Variants in PALMD observed in about 807,000 individuals in gnomAD.
The protein encoded by PALMD is palmdelphin, also known as paralemmin-like protein.
PALMD carries 42 observed loss-of-function variants against 56.2 expected under a neutral mutation model. The ratio of observed to expected loss-of-function variants is 0.75; its 90% CI spans 0.58 to 0.97. The LOEUF (loss-of-function observed/expected upper bound fraction) is 0.97. PALMD is among the 50% of genes least tolerant of loss of function. The pLI, the probability that PALMD is intolerant of heterozygous loss-of-function variation, is 0.00. For synonymous variants in PALMD, 242 were observed against 222.9 expected, an observed-to-expected ratio of 1.09 and a Z score of -0.76; for missense variants, 660 against 643.8, an observed-to-expected ratio of 1.03 and a Z score of -0.27.
intron 1 of PALMD, among the ~76,000 whole-genome samples, chr1:99,658,974 A>G (rs1296189507): frequency 1.3e-5 from 2 of 151,984 alleles, no homozygotes; most frequent in Non-Finnish European, 2.9e-5. Context: ...GTAAACTCAC[A>G]TCTGTCAAAT....
At chr1:99,659,273 T>C (rs948711975) in intron 1 of PALMD, among the ~76,000 whole-genome samples, 5 of 152,206 alleles carry the variant, frequency 3.3e-5, no homozygotes, top group Admixed American at 1.3e-4. Context: ...GGCGAATAAA[T>C]TAATTTTCAA....
At chr1:99,658,659 T>C (rs943134244) in intron 1 of PALMD, among the ~76,000 whole-genome samples, 1 of 151,658 alleles carries the variant, frequency 6.6e-6, no homozygotes, top group African/African-American at 2.4e-5. Context: ...TAGTCCCAGC[T>C]ACTTGGGAGG....
intron 1 of PALMD, among the ~76,000 whole-genome samples, chr1:99,646,760 T>C (rs1232991062): frequency 6.6e-6 from 1 of 152,224 alleles, no homozygotes; most frequent in Non-Finnish European, 1.5e-5. Flanking sequence ...CTCAAAAAGT[T>C]AGAATTTTTT....
In PALMD at chr1:99,667,786, A is replaced by G. The variant is rs775377690; in HGVS notation, c.251+20A>G. 1.2e-6 allele frequency: 2 copies of G among 1,605,744 alleles called. No homozygotes were observed. The highest frequency in any genetic ancestry group is 1.7e-6 in the Non-Finnish European group (2 of 1,173,232). On this transcript the variant is annotated intron_variant, in intron 3 of 7. Transcript: ENST00000263174. ...CCTCAGGTATGGCCCTCACTGAGAT[A>G]CTCCACAACTACCTTTATTTTGACT... is the stretch of plus-strand genomic sequence containing the variant.
intron 2 of PALMD, among the ~76,000 whole-genome samples, chr1:99,665,459 T>A (rs1652940805): frequency 6.6e-6 from 1 of 152,192 alleles, no homozygotes; most frequent in South Asian, 2.1e-4. Context: ...GCATATTTTA[T>A]ATTTAAGTTC....
chr1:99,674,861 A>C (rs1439208360), intron 3 of PALMD, among the ~76,000 whole-genome samples: 2 of 152,222 alleles, frequency 1.3e-5, no homozygotes, highest in East Asian at 3.9e-4. Context: ...TAAAGGATGA[A>C]TGTTCAAGAG....
chr1:99,675,363 G>T (rs573690971), intron 3 of PALMD, among the ~76,000 whole-genome samples: 1 of 152,166 alleles, frequency 6.6e-6, no homozygotes, highest in Non-Finnish European at 1.5e-5. Context: ...TTTATTCATA[G>T]AAATGTTTTT....
chr1:99,652,580 G>T (rs1335011314), intron 1 of PALMD, among the ~76,000 whole-genome samples: 1 of 151,082 alleles, frequency 6.6e-6, no homozygotes, highest in African/African-American at 2.4e-5. Flanking sequence ...CTCCAGCCTG[G>T]GTAACAGAGT....
Position 99,689,683 on chromosome 1 carries a change from C to A in PALMD, c.1423C>A (p.Pro475Thr), listed in dbSNP as rs1291010124. ...PIAPHSQVYQ[P>T]AKPTPLPRKR... ...AGCTCCCCATAGTCAGGTGTACCAG[C>A]CAGCCAAACCAACACCACTTCCTAG... The change falls in exon 7 of 8, where the codon CCA becomes ACA. Residue 475 changes from proline (P) to threonine (T), a missense_variant. Physicochemically the swap from Pro to Thr is conservative, Grantham distance 38. Transcript: ENST00000263174. The A allele has an allele frequency of 6.2e-7, 1 of 1,613,790 alleles. No individual in the cohort carries two copies. The highest frequency in any genetic ancestry group is 1.7e-5 in the Admixed American group (1 of 59,934).
intron 3 of PALMD, among the ~76,000 whole-genome samples, chr1:99,672,718 A>T (rs111886163): frequency 0.01 from 1,596 of 152,324 alleles, 30 homozygotes; most frequent in African/African-American, 0.037. Flanking sequence ...TCTGACTTTA[A>T]TTGGAGCACA....
intron 3 of PALMD, among the ~76,000 whole-genome samples, chr1:99,673,789 A>G (rs566403304): frequency 6.6e-6 from 1 of 152,310 alleles, no homozygotes; most frequent in South Asian, 2.1e-4. Context: ...CCTCCGAAAC[A>G]CACACATACA....
At position 99,650,841 on chromosome 1, in the gene PALMD, T is replaced by C. The variant is rs114136051; in HGVS notation, c.45+4479T>C. 2.8e-3 allele frequency among the ~76,000 whole-genome samples: 433 copies of C among 152,306 alleles called. 2 individuals carry two copies. Among genetic ancestry groups the C allele is most frequent in the African/African-American group, 0.01 (422 of 41,558 alleles). On this transcript the variant is annotated intron_variant, in intron 1 of 7. Transcript: ENST00000263174. ...GCCATACATATTTTTCCTTATTCGT[T>C]CTATCTGAACAAATAAGAGAGTAAA...
chr1:99,677,895 T>C (rs970098745), intron 3 of PALMD, among the ~76,000 whole-genome samples: 25 of 152,162 alleles, frequency 1.6e-4, no homozygotes, highest in African/African-American at 6.0e-4. Context: ...TTATTACAAC[T>C]CTTCCAATCA....
chr1:99,690,149 CTTGT>C (rs1653623356), intron 7 of PALMD: 1 of 436,206 alleles, frequency 2.3e-6, no homozygotes, highest in Non-Finnish European at 4.0e-6. Context: ...TATGGTGCTG[CTTGT>C]GAGTGTATTT....
At chr1:99,681,566 A>G (rs1420000313) in intron 3 of PALMD, among the ~76,000 whole-genome samples, 3 of 152,236 alleles carry the variant, frequency 2.0e-5, no homozygotes, top group African/African-American at 7.2e-5. Flanking sequence ...AATATAAAAG[A>G]AATGGATATA....
rs374860117 is a variant in PALMD, at chr1:99,689,571, T to C, written c.1311T>C (p.Asp437=). Residue 437 remains aspartate (D), a synonymous_variant, in exon 7 of 8, where the codon GAT becomes GAC. Transcript: ENST00000263174. ...EEDKKFLTGY[D]GIIHAELVVI... ...ATAAGAAGTTTCTGACAGGATATGA[T>C]GGGATCATCCATGCTGAGCTGGTTG... 3.7e-6 allele frequency: 6 copies of C among 1,613,640 alleles called. No individual in the cohort carries two copies. Among genetic ancestry groups the C allele is most frequent in the South Asian group, 1.1e-5 (1 of 91,062 alleles).
chr1:99,667,681 A>T lies in PALMD; in HGVS notation c.166A>T (p.Ser56Cys), dbSNP rs201717174. The change falls in exon 3 of 8, where the codon AGC becomes TGC. Residue 56 changes from serine (S) to cysteine (C), a missense_variant. By Grantham distance (112) the Ser-to-Cys change is moderately radical. Transcript: ENST00000263174. ...GGAGAAATGGCTTCTAGATGGAATCAGCAGCGGAAAAGAACAGGAAGAGAT... is the reference window on the plus strand; with the variant it reads ...GGAGAAATGGCTTCTAGATGGAATCTGCAGCGGAAAAGAACAGGAAGAGAT... ...LREKWLLDGI[S>C]SGKEQEEMKK... The T allele has an allele frequency of 6.2e-7, 1 of 1,613,224 alleles. No homozygotes were observed. The highest frequency in any genetic ancestry group is 8.5e-7 in the Non-Finnish European group (1 of 1,179,238).
chr1:99,691,713 T>G (rs532702953), intron 7 of PALMD, among the ~76,000 whole-genome samples: 71 of 152,234 alleles, frequency 4.7e-4, no homozygotes, highest in African/African-American at 1.6e-3. Context: ...TGGGTTGAGC[T>G]TCTCCCCATA....
At chr1:99,647,585 G>A (rs1652471264) in intron 1 of PALMD, among the ~76,000 whole-genome samples, 2 of 152,172 alleles carry the variant, frequency 1.3e-5, no homozygotes, top group Non-Finnish European at 2.9e-5. Flanking sequence ...ATTATTGTTT[G>A]TTTTGTTTTG....
Sources: gnomAD v4.1 joint callset for allele counts (sites outside exome capture counted in the v4.1 genomes callset) on GRCh38, gnomAD v4.1.1 for gene constraint, MANE v1.5 for transcripts, NCBI Gene and HGNC (gene_info 2026-07-23, HGNC 2026-07-21) for gene names.